Variants in TCF7 observed in about 807,000 individuals in gnomAD.
The protein encoded by TCF7 is transcription factor 7.
A neutral mutation model predicts 46.8 loss-of-function variants in TCF7; 19 were observed. The observed-to-expected ratio is 0.41, with a 90% CI of 0.28 to 0.60. The LOEUF (loss-of-function observed/expected upper bound fraction) is 0.60. TCF7 is among the 20% of genes least tolerant of loss of function. The pLI is 0.35. For synonymous variants in TCF7, 245 were observed against 213.4 expected (o/e 1.15, Z -1.29); for missense variants, 547 against 504.6 (o/e 1.08, Z -0.81).
At position 134,115,361 on chromosome 5, in the gene TCF7, A is replaced by C; in HGVS notation, c.290A>C (p.Asp97Ala). ...CACGCTGCGCAGAGACTCTTCCCGG[A>C]CAAACTTCCAGAGCCCCTGGAGGAC... ...REHAAQRLFPDKLPEPLEDGL... is the reference protein window; with the variant it reads ...REHAAQRLFPAKLPEPLEDGL... The change falls in exon 2 of 10, where the codon GAC becomes GCC. Residue 97 changes from aspartate to alanine, a missense_variant. By Grantham distance (126) the Asp-to-Ala change is moderately radical. Coordinates refer to ENST00000342854, the MANE Select transcript of TCF7 (RefSeq NM_003202.5). The C allele has an allele frequency of 6.2e-7, 1 of 1,601,720 alleles. No individual in the cohort carries two copies. Among genetic ancestry groups the C allele is most frequent in the East Asian group, 2.3e-5 (1 of 44,292 alleles).
chr5:134,142,444 G>C (rs1195903576), intron 6 of TCF7, 140 bp downstream of exon 6: 6 of 997,088 alleles, frequency 6.0e-6, no homozygotes, highest in African/African-American at 1.6e-5. Flanking sequence ...AGAAGTAGGA[G>C]GGGGTGGGTG....
intron 3 of TCF7, among the ~76,000 whole-genome samples, chr5:134,127,799 G>A (rs1757536200): frequency 6.6e-6 from 1 of 152,202 alleles, no homozygotes; most frequent in East Asian, 1.9e-4. Context: ...ATCAGGCAGT[G>A]GTCCAGAGGA....
chr5:134,135,834 A>C (rs1758779434), intron 3 of TCF7, among the ~76,000 whole-genome samples: 1 of 152,238 alleles, frequency 6.6e-6, no homozygotes. Flanking sequence ...AAACAAGGTC[A>C]GGAAGGAGTG....
chr5:134,138,406 C>T (rs1012683620), intron 4 of TCF7, among the ~76,000 whole-genome samples: 27 of 152,326 alleles, frequency 1.8e-4, no homozygotes, highest in African/African-American at 6.3e-4. Flanking sequence ...CCATGGGTGA[C>T]CCCGCTGCCA....
chr5:134,144,765 C>T (rs773509468), intron 9 of TCF7: 1 of 1,597,982 alleles, frequency 6.3e-7, no homozygotes. Flanking sequence ...GCCCTCTGCC[C>T]TGCTCTACCC....
intron 9 of TCF7, chr5:134,144,704 C>T (rs1367274837): frequency 1.0e-6 from 1 of 954,104 alleles, no homozygotes; most frequent in East Asian, 2.5e-5. Context: ...AACTGGCTAA[C>T]ACTGATGTTA....
At chr5:134,140,673 A>C (rs1580884489) in intron 5 of TCF7, 1 of 377,064 alleles carries the variant, frequency 2.7e-6, no homozygotes, top group East Asian at 9.1e-5. Flanking sequence ...CAGATGCTTG[A>C]AATTCCAGCA....
chr5:134,143,797 C>A, intron 9 of TCF7, 157 bp downstream of exon 9: 1 of 768,156 alleles, frequency 1.3e-6, no homozygotes, highest in Non-Finnish European at 2.1e-6. Context: ...AAGTCAAATT[C>A]CCATGCAAGA....
chr5:134,131,445 GGAGGTAGC>G (rs1758115568), intron 3 of TCF7, among the ~76,000 whole-genome samples: 1 of 152,206 alleles, frequency 6.6e-6, no homozygotes, highest in Non-Finnish European at 1.5e-5. Context: ...CCTCTGCTCT[GGAGGTAGC>G]ACAAGGCTCA....
chr5:134,139,061 A>G (rs1759334048), intron 5 of TCF7, 23 bp downstream of exon 5: 1 of 1,612,868 alleles, frequency 6.2e-7, no homozygotes, highest in African/African-American at 1.3e-5. Context: ...CCAATGGGAA[A>G]GGGGTACCGT....
At chr5:134,141,156 G>C (rs757037834) in intron 5 of TCF7, 5 of 187,288 alleles carry the variant, frequency 2.7e-5, no homozygotes, top group Non-Finnish European at 5.6e-5. Flanking sequence ...GTGCAGATGT[G>C]TGTGCACTCA....
chr5:134,115,807 G>C, intron 2 of TCF7, 102 bp from the exon 3 acceptor site: 2 of 1,566,220 alleles, frequency 1.3e-6, no homozygotes, highest in East Asian at 4.5e-5. Flanking sequence ...TCAGGAACTT[G>C]CAGGGGACCC....
Position 134,133,344 on chromosome 5 carries a change from G to A in TCF7, c.442-4715G>A, listed in dbSNP as rs1018008795. 4.6e-5 allele frequency among the ~76,000 whole-genome samples: 7 copies of A among 152,270 alleles called. No individual in the cohort carries two copies. The South Asian group carries it at 8.3e-4, about 18-fold the overall frequency. The stretch of plus-strand genomic sequence containing the variant: ...ATGAAGGTGTGCCATTGAAATGCTC[G>A]GGGCCTGGTGGGGACAATCACCCTA... On this transcript the variant is annotated intron_variant, in intron 3 of 9. Coordinates refer to ENST00000342854, the MANE Select transcript of TCF7 (RefSeq NM_003202.5).
intron 3 of TCF7, among the ~76,000 whole-genome samples, chr5:134,117,339 A>G (rs1226914999): frequency 6.6e-6 from 1 of 152,196 alleles, no homozygotes; most frequent in Non-Finnish European, 1.5e-5. Flanking sequence ...GTGTGAGCCC[A>G]TGCTTAACAA....
chr5:134,147,092 T>G lies in TCF7; in HGVS notation c.*789T>G, dbSNP rs144237484. On this transcript the variant is annotated 3_prime_UTR_variant, in exon 10 of 10. Transcript: ENST00000342854. The stretch of plus-strand genomic sequence containing the variant: ...CCAGAGGAAGCCCCTTACTATGATC[T>G]CAGGAGCTTGCAAGAAGCAGGAAGG... 6.5e-6 allele frequency: 1 copy of G among 154,936 alleles called. No homozygotes were observed. Among genetic ancestry groups the G allele is most frequent in the Non-Finnish European group, 1.4e-5 (1 of 70,082 alleles). 9.6% of individuals were successfully genotyped at this position (154,936 alleles called of 1,614,324 possible).
At chr5:134,121,450 G>C (rs925933714) in intron 3 of TCF7, among the ~76,000 whole-genome samples, 1 of 152,048 alleles carries the variant, frequency 6.6e-6, no homozygotes, top group Non-Finnish European at 1.5e-5. Flanking sequence ...CGGGCATGGT[G>C]GCACACGCCT....
chr5:134,141,004 C>T (rs1330444709), intron 5 of TCF7: 2 of 322,390 alleles, frequency 6.2e-6, no homozygotes, highest in Non-Finnish European at 1.2e-5. Flanking sequence ...TCCATCTGTC[C>T]GTCTGTCATT....
chr5:134,144,890 G>A (rs374368601), intron 9 of TCF7: 10 of 1,608,920 alleles, frequency 6.2e-6, no homozygotes, highest in African/African-American at 5.3e-5. Flanking sequence ...CCCCACCATC[G>A]TTCTCCCTTT....
chr5:134,128,232 G>C (rs1200876836), intron 3 of TCF7, among the ~76,000 whole-genome samples: 1 of 152,180 alleles, frequency 6.6e-6, no homozygotes, highest in Non-Finnish European at 1.5e-5. Context: ...TTTGCGTCAT[G>C]CTACACCCAG....
Sources: allele counts gnomAD v4.1 joint callset (sites outside exome capture counted in the v4.1 genomes callset), GRCh38; gene constraint gnomAD v4.1.1; transcripts MANE v1.5; gene names NCBI Gene and HGNC (gene_info 2026-07-23, HGNC 2026-07-21).